The following ARK2N variants were observed in gnomAD, a reference collection of about 807,000 sequenced individuals.
The protein encoded by ARK2N is protein ARK2N.
chr18:46,235,030 A>G, the ARK2N span, among the ~76,000 whole-genome samples: 3 of 152,068 alleles, frequency 2.0e-5, no homozygotes, highest in Non-Finnish European at 4.4e-5. Flanking sequence ...ATAGAAAGGG[A>G]GGGGGGAATG....
the ARK2N span, among the ~76,000 whole-genome samples, chr18:46,247,764 T>C: frequency 6.6e-6 from 1 of 152,168 alleles, no homozygotes; most frequent in African/African-American, 2.4e-5. Flanking sequence ...CTCGGCCTCC[T>C]GGATTCAAGC....
chr18:46,201,131 A>C, the ARK2N span, among the ~76,000 whole-genome samples: 1 of 151,864 alleles, frequency 6.6e-6, no homozygotes, highest in Non-Finnish European at 1.5e-5. Context: ...GGTGCATGCC[A>C]CCATGTCCTG....
At chr18:46,229,196 A>G in the ARK2N span, among the ~76,000 whole-genome samples, 3 of 152,064 alleles carry the variant, frequency 2.0e-5, no homozygotes, top group Non-Finnish European at 2.9e-5. Context: ...TGAAGGTAAT[A>G]CATTGCTGTC....
the ARK2N span, among the ~76,000 whole-genome samples, chr18:46,212,990 A>ATTTTTTTTTTTT: frequency 6.2e-5 from 5 of 80,498 alleles, no homozygotes; most frequent in Admixed American, 1.7e-4. Context: ...TTTAAGAAGA[A>ATTTTTTTTTTTT]TTTTTTTTTT....
At chr18:46,198,115 A>G in the ARK2N span, among the ~76,000 whole-genome samples, 1 of 152,112 alleles carries the variant, frequency 6.6e-6, no homozygotes, top group African/African-American at 2.4e-5. Context: ...CGGCCTCACC[A>G]ACATGGTGAA....
chr18:46,203,236 G>C, the ARK2N span, among the ~76,000 whole-genome samples: 1 of 152,160 alleles, frequency 6.6e-6, no homozygotes, highest in Non-Finnish European at 1.5e-5. Flanking sequence ...CTGAAAAAAT[G>C]ACAAATGTCT....
chr18:46,243,332 G>A, the ARK2N span, among the ~76,000 whole-genome samples: 5 of 152,080 alleles, frequency 3.3e-5, no homozygotes, highest in Non-Finnish European at 7.4e-5. Context: ...GGTTAATCTG[G>A]GTCCTGTCTT....
chr18:46,220,067 G>C, the ARK2N span, among the ~76,000 whole-genome samples: 1 of 152,184 alleles, frequency 6.6e-6, no homozygotes, highest in Non-Finnish European at 1.5e-5. Flanking sequence ...TAGCAGAGTG[G>C]ACCTCCATAC....
the ARK2N span, among the ~76,000 whole-genome samples, chr18:46,248,573 TTTTG>T: frequency 4.7e-4 from 71 of 152,240 alleles, no homozygotes; most frequent in African/African-American, 1.0e-3. Context: ...TACTCTTTAT[TTTTG>T]TTTGTTTGTT....
At chr18:46,204,685 C>T in the ARK2N span, among the ~76,000 whole-genome samples, 483 of 152,190 alleles carry the variant, frequency 3.2e-3, 1 homozygote, top group Non-Finnish European at 5.6e-3. Flanking sequence ...AGAATGCTAG[C>T]AGTTAGAATA....
chr18:46,237,108 C>CTGCA, the ARK2N span, among the ~76,000 whole-genome samples: 3 of 152,186 alleles, frequency 2.0e-5, no homozygotes, highest in African/African-American at 7.2e-5. Flanking sequence ...AGTGATTCAC[C>CTGCA]TGCATCAGCC....
chr18:46,229,895 C>T, the ARK2N span, among the ~76,000 whole-genome samples: 3 of 151,914 alleles, frequency 2.0e-5, no homozygotes, highest in African/African-American at 4.8e-5. Context: ...CGAGCCACCA[C>T]GCCTCGCCTT....
At chr18:46,224,072 T>G in the ARK2N span, among the ~76,000 whole-genome samples, 2 of 152,174 alleles carry the variant, frequency 1.3e-5, no homozygotes, top group Non-Finnish European at 2.9e-5. Flanking sequence ...TGGGGCCATA[T>G]CCTAAACTGG....
chr18:46,253,793 T>C, the ARK2N span: 3 of 1,613,018 alleles, frequency 1.9e-6, no homozygotes, highest in South Asian at 2.2e-5. Context: ...GATAGTGAAG[T>C]AGAGATTGTG....
At chr18:46,190,782 A>G in the ARK2N span, among the ~76,000 whole-genome samples, 1,748 of 152,308 alleles carry the variant, frequency 0.011, 60 homozygotes, top group East Asian at 0.12. Flanking sequence ...GCAAAGGCCA[A>G]GGTAGTACAG....
chr18:46,223,841 G>A, the ARK2N span, among the ~76,000 whole-genome samples: 1 of 152,110 alleles, frequency 6.6e-6, no homozygotes. Context: ...TTATCAGGTA[G>A]GGATATATGA....
the ARK2N span, chr18:46,228,752 G>A: frequency 5.0e-6 from 2 of 398,452 alleles, no homozygotes; most frequent in Non-Finnish European, 8.8e-6. Context: ...TATATATTTT[G>A]TAGGGACGGG....
the ARK2N span, among the ~76,000 whole-genome samples, chr18:46,181,760 T>G: frequency 6.6e-6 from 1 of 152,064 alleles, no homozygotes; most frequent in Non-Finnish European, 1.5e-5. Flanking sequence ...GTCTAGAAAT[T>G]AAGTTTATTT....
chr18:46,217,120 T>C, the ARK2N span: 1 of 152,862 alleles, frequency 6.5e-6, no homozygotes, highest in African/African-American at 2.4e-5. Flanking sequence ...AAGCTAGTTA[T>C]CCTTGTTACA....
Sources: gnomAD v4.1 joint callset for allele counts (sites outside exome capture counted in the v4.1 genomes callset) on GRCh38, gnomAD v4.1.1 for gene constraint, MANE v1.5 for transcripts, NCBI Gene and HGNC (gene_info 2026-07-23, HGNC 2026-07-21) for gene names.